Variants in HS6ST3 observed in about 807,000 individuals in gnomAD.
HS6ST3 encodes the protein heparan sulfate 6-O-sulfotransferase 3.
A neutral mutation model predicts 36.7 loss-of-function variants in HS6ST3; 12 were observed. The observed-to-expected ratio is 0.33, with a 90% CI of 0.21 to 0.53. HS6ST3 has a LOEUF of 0.53. Among genes scored for constraint, HS6ST3 ranks in the 20% least tolerant of loss-of-function variants. HS6ST3 has a pLI of 0.95. For missense variants in HS6ST3, 584 were observed against 640.9 expected, an observed-to-expected ratio of 0.91 and a Z score of 0.96; for synonymous variants, 240 against 257.5, an observed-to-expected ratio of 0.93 and a Z score of 0.65.
chr13:96,706,865 AT>A (rs1450453074), intron 1 of HS6ST3, among the ~76,000 whole-genome samples: 2 of 152,122 alleles, frequency 1.3e-5, no homozygotes, highest in Admixed American at 6.6e-5. Context: ...AACCCTTGCC[AT>A]TTTTAAGCAT....
intron 1 of HS6ST3, among the ~76,000 whole-genome samples, chr13:96,169,230 G>C (rs761705887): frequency 8.0e-5 from 12 of 149,318 alleles, no homozygotes; most frequent in Non-Finnish European, 1.0e-4. Flanking sequence ...ATGGGATTTT[G>C]ACTGGGAGTT....
At chr13:96,104,564 C>G (rs1437516367) in intron 1 of HS6ST3, among the ~76,000 whole-genome samples, 2 of 152,214 alleles carry the variant, frequency 1.3e-5, no homozygotes, top group Non-Finnish European at 2.9e-5. Flanking sequence ...TTTTTGTATG[C>G]AAACCAACCT....
At chr13:96,488,343 G>A (rs747315549) in intron 1 of HS6ST3, among the ~76,000 whole-genome samples, 1 of 151,994 alleles carries the variant, frequency 6.6e-6, no homozygotes, top group Non-Finnish European at 1.5e-5. Context: ...CTTGGAAACC[G>A]GTACCTCTTA....
At chr13:96,429,592 G>A (rs1350015940) in intron 1 of HS6ST3, among the ~76,000 whole-genome samples, 1 of 152,188 alleles carries the variant, frequency 6.6e-6, no homozygotes, top group Non-Finnish European at 1.5e-5. Context: ...TGTCTAAAGA[G>A]TACAGTGTTC....
chr13:96,528,917 T>C (rs1226872432), intron 1 of HS6ST3, among the ~76,000 whole-genome samples: 1 of 152,120 alleles, frequency 6.6e-6, no homozygotes, highest in Non-Finnish European at 1.5e-5. Flanking sequence ...TTGCAAAATA[T>C]GAAACAATGG....
intron 1 of HS6ST3, among the ~76,000 whole-genome samples, chr13:96,590,819 T>G (rs2056379441): frequency 6.6e-6 from 1 of 152,166 alleles, no homozygotes; most frequent in Non-Finnish European, 1.5e-5. Context: ...GTTTCATAGT[T>G]TGAAGTCTCA....
chr13:96,566,730 C>T (rs904813000), intron 1 of HS6ST3, among the ~76,000 whole-genome samples: 1 of 152,112 alleles, frequency 6.6e-6, no homozygotes, highest in Non-Finnish European at 1.5e-5. Flanking sequence ...AAACACTGAT[C>T]ATTCCTAAGC....
intron 1 of HS6ST3, among the ~76,000 whole-genome samples, chr13:96,411,216 C>A (rs1461272020): frequency 6.6e-6 from 1 of 152,160 alleles, no homozygotes; most frequent in Non-Finnish European, 1.5e-5. Flanking sequence ...CCCCCACAGT[C>A]CCCCATTCCA....
intron 1 of HS6ST3, among the ~76,000 whole-genome samples, chr13:96,714,189 T>TA (rs1034739420): frequency 3.3e-5 from 5 of 152,030 alleles, no homozygotes; most frequent in African/African-American, 1.2e-4. Flanking sequence ...TTGAGTATAT[T>TA]AAAAAGTATA....
At chr13:96,112,210 C>G (rs553213706) in intron 1 of HS6ST3, among the ~76,000 whole-genome samples, 1 of 152,152 alleles carries the variant, frequency 6.6e-6, no homozygotes, top group South Asian at 2.1e-4. Flanking sequence ...CATTTAATAA[C>G]CAGTTTCCCA....
At chr13:96,775,206 A>G (rs1393467699) in intron 1 of HS6ST3, among the ~76,000 whole-genome samples, 3 of 152,102 alleles carry the variant, frequency 2.0e-5, no homozygotes, top group African/African-American at 7.2e-5. Context: ...AAGGAAAAAC[A>G]AGTACCAGCC....
intron 1 of HS6ST3, among the ~76,000 whole-genome samples, chr13:96,770,977 A>G (rs1877249386): frequency 6.6e-6 from 1 of 152,186 alleles, no homozygotes; most frequent in Non-Finnish European, 1.5e-5. Flanking sequence ...TATATGTGTC[A>G]CATTTTCTTA....
At chr13:96,390,454 G>T (rs1035030004) in intron 1 of HS6ST3, among the ~76,000 whole-genome samples, 10 of 152,172 alleles carry the variant, frequency 6.6e-5, no homozygotes, top group African/African-American at 2.4e-4. Flanking sequence ...GGCTTTTTAT[G>T]AATGAGGAAG....
intron 1 of HS6ST3, among the ~76,000 whole-genome samples, chr13:96,408,281 C>T (rs2055489246): frequency 6.6e-6 from 1 of 151,970 alleles, no homozygotes; most frequent in African/African-American, 2.4e-5. Context: ...GATCAATTCC[C>T]CTCCCCCAAT....
chr13:96,284,303 T>G (rs943980415), intron 1 of HS6ST3, among the ~76,000 whole-genome samples: 5 of 152,142 alleles, frequency 3.3e-5, no homozygotes, highest in Non-Finnish European at 5.9e-5. Context: ...ATAGGCTGTC[T>G]GCAAGCTGAG....
intron 1 of HS6ST3, among the ~76,000 whole-genome samples, chr13:96,618,681 G>A (rs1015067495): frequency 2.6e-5 from 4 of 152,180 alleles, no homozygotes; most frequent in African/African-American, 7.2e-5. Flanking sequence ...AATGCCTAAC[G>A]CATGGAAGAG....
chr13:96,316,265 G>GTGTA (rs1340743934), intron 1 of HS6ST3, among the ~76,000 whole-genome samples: 32 of 43,582 alleles, frequency 7.3e-4, no homozygotes, highest in African/African-American at 3.7e-3. Context: ...ACCTGTGTGT[G>GTGTA]TGTGTGTGTG....
chr13:96,519,078 TA>T (rs2056083517), intron 1 of HS6ST3, among the ~76,000 whole-genome samples: 1 of 152,244 alleles, frequency 6.6e-6, no homozygotes, highest in Non-Finnish European at 1.5e-5. Context: ...TCTAAAATGA[TA>T]AAACACTTAT....
chr13:96,629,645 C>G (rs1344767630), intron 1 of HS6ST3, among the ~76,000 whole-genome samples: 1 of 152,040 alleles, frequency 6.6e-6, no homozygotes, highest in African/African-American at 2.4e-5. Flanking sequence ...TTATTCTGTG[C>G]TTCCTTTAAA....
Sources: allele counts gnomAD v4.1 joint callset (sites outside exome capture counted in the v4.1 genomes callset), GRCh38; gene constraint gnomAD v4.1.1; transcripts MANE v1.5; gene names NCBI Gene and HGNC (gene_info 2026-07-23, HGNC 2026-07-21).